CFAP92: variants seen among roughly 807,000 people sequenced by gnomAD.
The protein encoded by CFAP92 is cilia and flagella associated protein 92 (putative).
A neutral mutation model predicts 106.3 loss-of-function variants in CFAP92; 86 were observed. The observed-to-expected ratio is 0.81, with a 90% CI of 0.68 to 0.97. The LOEUF (loss-of-function observed/expected upper bound fraction) is 0.97. Ranked by LOEUF, CFAP92 falls within the 50% of genes least tolerant of loss-of-function variation. The pLI is 0.00. For synonymous variants in CFAP92, 477 were observed against 506.4 expected, an observed-to-expected ratio of 0.94 and a Z score of 0.78; for missense variants, 1,204 against 1,283.8, an observed-to-expected ratio of 0.94 and a Z score of 0.95.
chr3:128,992,510 T>C (rs1253099760), intron 2 of CFAP92, among the ~76,000 whole-genome samples: 1 of 152,036 alleles, frequency 6.6e-6, no homozygotes, highest in African/African-American at 2.4e-5. Context: ...TGCAGTGAGC[T>C]GAGATCGCAC....
the CFAP92 span, among the ~76,000 whole-genome samples, chr3:129,021,581 C>A: frequency 6.6e-6 from 1 of 151,382 alleles, no homozygotes; most frequent in African/African-American, 2.5e-5. Context: ...TCTCAAAAAA[C>A]AAACAAACAA....
At chr3:128,956,338 T>G (rs910391647) in intron 9 of CFAP92, among the ~76,000 whole-genome samples, 2 of 150,344 alleles carry the variant, frequency 1.3e-5, no homozygotes, top group African/African-American at 4.9e-5. Context: ...ACAAAAGAAC[T>G]AATATTCATG....
Position 128,924,432 on chromosome 3 carries a change from C to CTTTT in CFAP92, c.2752-8165_2752-8162dup, listed in dbSNP as rs71153151. ...TCCCAGGCTCATAGAACGATTGTAT[C>CTTTT]TTTTTTTTTTTTTTTTTTTTTTTTT... is the stretch of plus-strand genomic sequence containing the variant. On this transcript the variant is annotated intron_variant, in intron 12 of 15. Transcript: ENST00000645291. 1.8e-3 allele frequency among the ~76,000 whole-genome samples: 125 copies of CTTTT among 69,824 alleles called. 15 individuals are homozygous for CTTTT. Among genetic ancestry groups the CTTTT allele is most frequent in the African/African-American group, 2.2e-3 (39 of 17,900 alleles). The allele number at this position is 69,824 out of a possible 152,430, so 45.8% of individuals were successfully genotyped here. A position where few individuals can be genotyped will look rare whatever the true frequency, so the allele number is the denominator to read the frequency against.
At chr3:129,001,737 C>G in intron 1 of CFAP92, 1 of 1,532,168 alleles carries the variant, frequency 6.5e-7, no homozygotes. Flanking sequence ...CCTGGCGCAC[C>G]ACTACGGGCT....
intron 9 of CFAP92, among the ~76,000 whole-genome samples, chr3:128,956,448 C>A: frequency 6.6e-6 from 1 of 151,698 alleles, no homozygotes; most frequent in Non-Finnish European, 1.5e-5. Flanking sequence ...AATACATAAG[C>A]CTATAGATTC....
chr3:128,944,371 A>G (rs890248719), intron 10 of CFAP92, among the ~76,000 whole-genome samples: 1 of 152,180 alleles, frequency 6.6e-6, no homozygotes, highest in African/African-American at 2.4e-5. Flanking sequence ...TGGGCCCATC[A>G]GCACAGGAAG....
At chr3:128,960,736 G>A (rs532056000) in intron 9 of CFAP92, among the ~76,000 whole-genome samples, 8 of 149,990 alleles carry the variant, frequency 5.3e-5, no homozygotes, top group South Asian at 2.1e-4. Flanking sequence ...GCAAGTACCC[G>A]TGAACCCCTT....
intron 15 of CFAP92, chr3:128,913,256 G>A (rs1936542857): frequency 2.8e-6 from 1 of 359,532 alleles, no homozygotes; most frequent in Non-Finnish European, 5.5e-6. Context: ...CTAAGGAGCA[G>A]ACACACAGTG....
chr3:128,946,850 T>TA (rs1276355957), intron 9 of CFAP92, among the ~76,000 whole-genome samples: 3 of 152,200 alleles, frequency 2.0e-5, no homozygotes, highest in African/African-American at 7.2e-5. Flanking sequence ...AGGCATAAGA[T>TA]ATTAGAATGA....
At chr3:128,966,114 G>GCTAT (rs933575251) in intron 8 of CFAP92, among the ~76,000 whole-genome samples, 2 of 152,172 alleles carry the variant, frequency 1.3e-5, no homozygotes, top group African/African-American at 4.8e-5. Flanking sequence ...CTAAACCTGT[G>GCTAT]CTATCCACTA....
chr3:128,947,171 C>T (rs1940297983), intron 9 of CFAP92, among the ~76,000 whole-genome samples: 1 of 151,424 alleles, frequency 6.6e-6, no homozygotes, highest in African/African-American at 2.4e-5. Context: ...CAGAAGTCTA[C>T]TAGTTTGCTC....
intron 8 of CFAP92, among the ~76,000 whole-genome samples, chr3:128,966,340 T>C (rs1191231917): frequency 1.3e-5 from 2 of 152,094 alleles, no homozygotes; most frequent in South Asian, 2.1e-4. Flanking sequence ...CAAGGACATA[T>C]CATGCCAGTG....
At chr3:128,957,837 G>T (rs1253533226) in intron 9 of CFAP92, among the ~76,000 whole-genome samples, 1 of 152,132 alleles carries the variant, frequency 6.6e-6, no homozygotes, top group Non-Finnish European at 1.5e-5. Context: ...TAAACTGGGG[G>T]GGGGCTTAAA....
intron 9 of CFAP92, among the ~76,000 whole-genome samples, chr3:128,952,136 C>CTTTTTT (rs35117405): frequency 7.2e-6 from 1 of 139,306 alleles, no homozygotes; most frequent in Non-Finnish European, 1.5e-5. Context: ...TCTTCTTCTT[C>CTTTTTT]TTTTTTTTTT....
At chr3:129,004,192 C>G, upstream of CFAP92, 1 of 1,220,664 alleles carries the variant, frequency 8.2e-7, no homozygotes, top group Non-Finnish European at 1.1e-6. Flanking sequence ...TTTCTCCATG[C>G]GTTTATTCAT....
intron 12 of CFAP92, among the ~76,000 whole-genome samples, chr3:128,927,413 A>G (rs1937791531): frequency 6.6e-6 from 1 of 152,110 alleles, no homozygotes; most frequent in African/African-American, 2.4e-5. Flanking sequence ...AAGATACAAG[A>G]TCAATGGACA....
rs1278517386 is a variant in CFAP92 at position 128,954,515 on chromosome 3, AG to A, written c.1354-8541del. On this transcript the variant is annotated intron_variant, in intron 9 of 15. Transcript: ENST00000645291. ...AGCCACCCTGTCCGGGAGGGAGGTG[AG>A]GGGGGGTCAGCCCCCCGCCCGGCCA... 4.7e-3 allele frequency among the ~76,000 whole-genome samples: 221 copies of A among 47,116 alleles called. 12 individuals carry two copies. The highest frequency in any genetic ancestry group is 0.038 in the African/African-American group (196 of 5,092). 30.9% of individuals were successfully genotyped at this position (47,116 alleles called of 152,430 possible).
At chr3:129,018,580 A>G in the CFAP92 span, among the ~76,000 whole-genome samples, 6 of 152,194 alleles carry the variant, frequency 3.9e-5, no homozygotes, top group Admixed American at 3.3e-4. Flanking sequence ...CCTTTATGGC[A>G]TAAGTATGCC....
chr3:128,980,372 A>C (rs982318150), intron 4 of CFAP92, among the ~76,000 whole-genome samples: 6 of 151,182 alleles, frequency 4.0e-5, no homozygotes, highest in African/African-American at 7.3e-5. Flanking sequence ...GTCTCAAAAA[A>C]AAAAAAAAAA....
Sources: gnomAD v4.1 joint callset for allele counts (sites outside exome capture counted in the v4.1 genomes callset) on GRCh38, gnomAD v4.1.1 for gene constraint, MANE v1.5 for transcripts, NCBI Gene and HGNC (gene_info 2026-07-23, HGNC 2026-07-21) for gene names.